RBFOX3: variants seen among roughly 807,000 people sequenced by gnomAD.
RBFOX3 encodes the protein RNA binding fox-1 homolog 3, also known as RNA binding protein fox-1 homolog 3.
In RBFOX3, 17 loss-of-function variants were observed where a neutral mutation model predicts 48.7. The ratio of observed to expected loss-of-function variants is 0.35; its 90% CI spans 0.24 to 0.52. RBFOX3 has a LOEUF of 0.52. Among genes scored for constraint, RBFOX3 ranks in the 20% least tolerant of loss-of-function variants. The pLI is 0.94. For synonymous variants in RBFOX3, 212 were observed against 209.5 expected (o/e 1.01, Z -0.10); for missense variants, 382 against 497.5 (o/e 0.77, Z 2.21).
intron 2 of RBFOX3, among the ~76,000 whole-genome samples, chr17:79,437,059 C>T (rs186113055): frequency 3.3e-5 from 5 of 152,274 alleles, no homozygotes; most frequent in Non-Finnish European, 4.4e-5. Context: ...CAGGCCGCCC[C>T]GATTCCCTTC....
chr17:79,514,465 G>A (rs2084961323), intron 1 of RBFOX3, among the ~76,000 whole-genome samples: 1 of 152,268 alleles, frequency 6.6e-6, no homozygotes, highest in Admixed American at 6.5e-5. Context: ...GGTCACGGGT[G>A]CGTGGCCTCA....
intron 2 of RBFOX3, among the ~76,000 whole-genome samples, chr17:79,413,930 G>A (rs1598588797): frequency 6.6e-6 from 1 of 152,160 alleles, no homozygotes; most frequent in East Asian, 1.9e-4. Flanking sequence ...TAGGCAGGTG[G>A]CGTGGGCTCT....
At position 79,174,063 on chromosome 17, in the gene RBFOX3, A is replaced by C. The variant is rs1010761314; in HGVS notation, c.-33-58315T>G. ...GCTTATTAGCTACACCAGGAGACAC[A>C]GAGGAAAACGGCGAGCGTCTCAGTC... On this transcript the variant is annotated intron_variant, in intron 4 of 14. Transcript: ENST00000693108. 8.7e-4 allele frequency among the ~76,000 whole-genome samples: 132 copies of C among 152,250 alleles called. 1 individual carries two copies. The highest frequency in any genetic ancestry group is 3.0e-3 in the African/African-American group (126 of 41,544).
chr17:79,120,126 G>A (rs2035284804), intron 4 of RBFOX3, among the ~76,000 whole-genome samples: 1 of 152,204 alleles, frequency 6.6e-6, no homozygotes, highest in African/African-American at 2.4e-5. Context: ...GCTTATCTCA[G>A]ATGACCTCAT....
intron 4 of RBFOX3, among the ~76,000 whole-genome samples, chr17:79,192,027 T>G (rs759520689): frequency 2.0e-5 from 3 of 152,082 alleles, no homozygotes; most frequent in Non-Finnish European, 4.4e-5. Context: ...GTGTGGAAGC[T>G]TGTCTTGAGT....
intron 1 of RBFOX3, among the ~76,000 whole-genome samples, chr17:79,571,940 C>T (rs904932985): frequency 3.0e-4 from 45 of 152,290 alleles, no homozygotes; most frequent in South Asian, 1.4e-3. Flanking sequence ...ATCTCACTGC[C>T]GACCCCTCAC....
chr17:79,416,551 G>C, intron 2 of RBFOX3, among the ~76,000 whole-genome samples: 1 of 152,388 alleles, frequency 6.6e-6, no homozygotes, highest in African/African-American at 2.4e-5. Flanking sequence ...GGCGTGACCA[G>C]AGAGAGCGAA....
intron 3 of RBFOX3, among the ~76,000 whole-genome samples, chr17:79,306,931 G>A (rs761052085): frequency 6.6e-6 from 1 of 152,136 alleles, no homozygotes; most frequent in African/African-American, 2.4e-5. Flanking sequence ...CGACATCCAC[G>A]ACTCTTGGAG....
chr17:79,585,466 A>T (rs1370568878), intron 1 of RBFOX3, among the ~76,000 whole-genome samples: 2 of 152,126 alleles, frequency 1.3e-5, no homozygotes, highest in Non-Finnish European at 2.9e-5. Context: ...CTGAGGCAGG[A>T]GAATCGCTTG....
chr17:79,559,395 A>C (rs964083786), intron 1 of RBFOX3, among the ~76,000 whole-genome samples: 1 of 146,912 alleles, frequency 6.8e-6, no homozygotes, highest in Admixed American at 6.7e-5. Flanking sequence ...TGGGTGGATA[A>C]GTGAATGGGT....
intron 2 of RBFOX3, among the ~76,000 whole-genome samples, chr17:79,360,620 CT>C (rs1470045985): frequency 6.6e-6 from 1 of 152,142 alleles, no homozygotes; most frequent in African/African-American, 2.4e-5. Flanking sequence ...CTCAAAACCC[CT>C]ATTACAAAAA....
intron 4 of RBFOX3, among the ~76,000 whole-genome samples, chr17:79,168,780 C>T (rs2048537861): frequency 6.6e-6 from 1 of 152,248 alleles, no homozygotes; most frequent in Admixed American, 6.5e-5. Flanking sequence ...GGGAACATGG[C>T]CCATTTGCTG....
At chr17:79,640,680 G>A in the RBFOX3 span, among the ~76,000 whole-genome samples, 1 of 151,926 alleles carries the variant, frequency 6.6e-6, no homozygotes, top group Non-Finnish European at 1.5e-5. Flanking sequence ...TTCAACAAGG[G>A]TGCCAAAAAC....
chr17:79,503,746 C>T (rs1049973513), intron 1 of RBFOX3, among the ~76,000 whole-genome samples: 45 of 152,288 alleles, frequency 3.0e-4, no homozygotes, highest in African/African-American at 9.6e-4. Context: ...GAAGAGAAGC[C>T]GGTTCCCAGG....
intron 2 of RBFOX3, among the ~76,000 whole-genome samples, chr17:79,446,893 C>T (rs1598736121): frequency 2.0e-5 from 3 of 152,332 alleles, no homozygotes; most frequent in African/African-American, 7.2e-5. Context: ...CTGTTTTCTC[C>T]TACCATTGGC....
At chr17:79,628,458 G>A in the RBFOX3 span, among the ~76,000 whole-genome samples, 1 of 152,238 alleles carries the variant, frequency 6.6e-6, no homozygotes. Flanking sequence ...CAAGGCCGCA[G>A]AGTCCTTGTC....
At chr17:79,259,512 G>C (rs2065394052) in intron 3 of RBFOX3, among the ~76,000 whole-genome samples, 2 of 152,218 alleles carry the variant, frequency 1.3e-5, no homozygotes, top group Non-Finnish European at 1.5e-5. Flanking sequence ...CTGCAAACCA[G>C]CTGCATCTGG....
At chr17:79,171,909 C>T (rs534296093) in intron 4 of RBFOX3, among the ~76,000 whole-genome samples, 36 of 151,948 alleles carry the variant, frequency 2.4e-4, no homozygotes, top group Non-Finnish European at 3.7e-4. Context: ...CGGTGGCTCA[C>T]GCCTGTGATC....
intron 2 of RBFOX3, among the ~76,000 whole-genome samples, chr17:79,446,121 G>A (rs548431252): frequency 6.6e-6 from 1 of 152,314 alleles, no homozygotes; most frequent in East Asian, 1.9e-4. Flanking sequence ...CCTGGGAGGT[G>A]ACAGCTCCTC....
Sources: gnomAD v4.1 joint callset for allele counts (sites outside exome capture counted in the v4.1 genomes callset) on GRCh38, gnomAD v4.1.1 for gene constraint, MANE v1.5 for transcripts, NCBI Gene and HGNC (gene_info 2026-07-23, HGNC 2026-07-21) for gene names.